Variants in BNC2 observed in about 807,000 individuals in gnomAD.
BNC2 encodes the protein basonuclin zinc finger protein 2, also known as zinc finger protein basonuclin-2.
BNC2 carries 20 observed loss-of-function variants against 76.3 expected under a neutral mutation model. That is an observed-to-expected ratio of 0.26 (90% CI 0.18 to 0.38). The LOEUF (loss-of-function observed/expected upper bound fraction) is 0.38. BNC2 is among the 10% of genes least tolerant of loss of function. The probability of loss-of-function intolerance (pLI) is 1.00; values close to 1 mark genes in which losing one functional copy is unlikely to be tolerated. For missense variants in BNC2, 1,382 were observed against 1,399.8 expected (o/e 0.99, Z 0.20); for synonymous variants, 582 against 514.8 (o/e 1.13, Z -1.77).
At chr9:16,821,063 T>A (rs1044800438) in intron 1 of BNC2, among the ~76,000 whole-genome samples, 3 of 151,830 alleles carry the variant, frequency 2.0e-5, no homozygotes, top group Non-Finnish European at 2.9e-5. Flanking sequence ...TGAAACCCCA[T>A]CTCTACTAAA....
chr9:16,573,813 G>A (rs1363477989), intron 4 of BNC2, among the ~76,000 whole-genome samples: 3 of 152,042 alleles, frequency 2.0e-5, no homozygotes, highest in East Asian at 1.9e-4. Context: ...GGGTATATGC[G>A]AACTAATAAC....
At chr9:16,764,071 A>C (rs957032342) in intron 1 of BNC2, among the ~76,000 whole-genome samples, 4 of 152,082 alleles carry the variant, frequency 2.6e-5, no homozygotes, top group Non-Finnish European at 5.9e-5. Context: ...TTCCTAATAA[A>C]AGTTAACATT....
intron 3 of BNC2, among the ~76,000 whole-genome samples, chr9:16,641,974 C>T (rs956809829): frequency 3.3e-5 from 5 of 152,164 alleles, no homozygotes; most frequent in African/African-American, 7.2e-5. Context: ...TATCTACTAA[C>T]GTACTGGTTA....
intron 1 of BNC2, among the ~76,000 whole-genome samples, chr9:16,785,218 G>A (rs1046641183): frequency 2.6e-5 from 4 of 152,190 alleles, no homozygotes; most frequent in African/African-American, 4.8e-5. Context: ...AGACAAGACT[G>A]CCCAAGCCTT....
In BNC2 at chr9:16,436,243, C is replaced by G; in HGVS notation, c.1951G>C (p.Asp651His). 1.9e-6 allele frequency: 3 copies of G among 1,614,146 alleles called. No homozygotes were observed. Among genetic ancestry groups the G allele is most frequent in the Non-Finnish European group, 2.5e-6 (3 of 1,180,040 alleles). Residue 651 changes from aspartate (D) to histidine (H), a missense_variant, in exon 6 of 7, where the codon GAT becomes CAT. By Grantham distance (81) the Asp-to-His change is moderately conservative. Coordinates refer to ENST00000380672, the MANE Select transcript of BNC2 (RefSeq NM_017637.6). ...KIEKEIIDTA[D>H]EFDDEDDDPN... is the part of the protein sequence containing the mutation. ...TCATCATCTTCATCATCAAACTCAT[C>G]GGCGGTATCAATAATTTCCTTCTCA...
chr9:16,536,506 CTTTTGT>C, intron 5 of BNC2, among the ~76,000 whole-genome samples: 1 of 152,136 alleles, frequency 6.6e-6, no homozygotes, highest in East Asian at 1.9e-4. Context: ...AAAACACAGC[CTTTTGT>C]TTTTATTTTT....
In BNC2 at chr9:16,834,738, A is replaced by G. The variant is rs140435713; in HGVS notation, c.3+35908T>C. 1.8e-3 allele frequency among the ~76,000 whole-genome samples: 275 copies of G among 152,320 alleles called. 1 individual carries two copies. The highest frequency in any genetic ancestry group is 2.6e-3 in the Non-Finnish European group (176 of 68,024). On this transcript the variant is annotated intron_variant, in intron 1 of 6. Transcript: ENST00000380672. ...CTTTTTTCTCTATCACTGAATCCCC[A>G]GAGTCTAGTATAATGTCTGTCCTAT...
chr9:16,447,505 G>C (rs949144823), intron 5 of BNC2, among the ~76,000 whole-genome samples: 3 of 152,038 alleles, frequency 2.0e-5, no homozygotes, highest in African/African-American at 7.2e-5. Flanking sequence ...TTTAGAATAT[G>C]TGTATTTATG....
At position 16,552,624 on chromosome 9, in the gene BNC2, C is replaced by T. The variant is rs1400069723; in HGVS notation, c.575G>A (p.Arg192His). ...VPVRLKILLD[R>H]LFSVLKQEEV... ...CTCTTGCTTCAGGACGCTGAAGAGA[C>T]GGTCCAGCAGGATCTTTAGCCGCAC... The change falls in exon 5 of 7, where the codon CGT becomes CAT. Residue 192 changes from arginine to histidine, a missense_variant. Around this residue, in one of 3 missense-constraint regions of BNC2, gnomAD observed 557 missense variants for 540.9 expected, o/e 1.03. Coordinates refer to ENST00000380672, the MANE Select transcript of BNC2 (RefSeq NM_017637.6). 1.9e-6 allele frequency: 3 copies of T among 1,614,102 alleles called. No individual in the cohort carries two copies. The highest frequency in any genetic ancestry group is 1.7e-6 in the Non-Finnish European group (2 of 1,180,050).
intron 3 of BNC2, among the ~76,000 whole-genome samples, chr9:16,634,779 G>T (rs1272631445): frequency 6.6e-6 from 1 of 152,272 alleles, no homozygotes; most frequent in East Asian, 1.9e-4. Context: ...GGGATTACAG[G>T]CGTGAACAAC....
chr9:16,655,169 G>GA (rs1340213270), intron 3 of BNC2, among the ~76,000 whole-genome samples: 1 of 151,538 alleles, frequency 6.6e-6, no homozygotes, highest in East Asian at 1.9e-4. Flanking sequence ...AGTAAAGGAG[G>GA]AAAAAACTGG....
At chr9:16,715,208 A>T (rs1436541764) in intron 3 of BNC2, among the ~76,000 whole-genome samples, 2 of 152,332 alleles carry the variant, frequency 1.3e-5, no homozygotes, top group African/African-American at 2.4e-5. Context: ...ATCTTTTATT[A>T]TTTTAAAATC....
chr9:16,780,250 A>AAAAAC (rs1826108477), intron 1 of BNC2, among the ~76,000 whole-genome samples: 2 of 124,490 alleles, frequency 1.6e-5, no homozygotes, highest in East Asian at 5.3e-4. Context: ...AAAAAAAAAA[A>AAAAAC]AAAAAACAAA....
chr9:16,776,031 T>C (rs1045767808), intron 1 of BNC2, among the ~76,000 whole-genome samples: 1 of 152,132 alleles, frequency 6.6e-6, no homozygotes, highest in African/African-American at 2.4e-5. Context: ...CCCGACCAGG[T>C]CAGGCACTTC....
chr9:16,813,431 A>G lies in BNC2; in HGVS notation c.3+57215T>C, dbSNP rs997191108. On this transcript the variant is annotated intron_variant, in intron 1 of 6. Transcript: ENST00000380672. The stretch of plus-strand genomic sequence containing the variant: ...CAGGCGCCCGCCACTACGCCCGGCT[A>G]ATTTTTTGTATTTTTAGTAGAGACG... 5.3e-5 allele frequency among the ~76,000 whole-genome samples: 8 copies of G among 151,810 alleles called. No homozygotes were observed. The South Asian group carries it at 1.7e-3, about 32-fold the overall frequency.
intron 5 of BNC2, among the ~76,000 whole-genome samples, chr9:16,513,715 T>A (rs568627588): frequency 1.3e-5 from 2 of 152,098 alleles, no homozygotes; most frequent in Non-Finnish European, 2.9e-5. Context: ...TCATTCAGAG[T>A]TGTACATGAG....
chr9:16,667,556 A>G (rs954519563), intron 3 of BNC2, among the ~76,000 whole-genome samples: 1 of 152,242 alleles, frequency 6.6e-6, no homozygotes. Flanking sequence ...GGATTATCTG[A>G]GCAAATAATA....
rs75614069 is a variant in BNC2, at chr9:16,855,098, C to T, written c.3+15548G>A. On this transcript the variant is annotated intron_variant, in intron 1 of 6. Coordinates refer to ENST00000380672, the MANE Select transcript of BNC2 (RefSeq NM_017637.6). ...CAATATGAGTACATGAGTATTCCAC[C>T]TCATATGGTATACAGATACATACAT... 4.2e-4 allele frequency among the ~76,000 whole-genome samples: 64 copies of T among 151,874 alleles called. No homozygotes were observed. The East Asian group carries it at 0.012, about 29-fold the overall frequency.
intron 3 of BNC2, among the ~76,000 whole-genome samples, chr9:16,666,653 C>G (rs926314529): frequency 6.6e-6 from 1 of 152,226 alleles, no homozygotes; most frequent in Non-Finnish European, 1.5e-5. Flanking sequence ...TGGAGCTAAA[C>G]ACTTCAACAC....
Sources: gnomAD v4.1 joint callset for allele counts (sites outside exome capture counted in the v4.1 genomes callset) on GRCh38, gnomAD v4.1.1 for gene constraint, gnomAD v4.1.1 regional missense constraint, MANE v1.5 for transcripts, NCBI Gene and HGNC (gene_info 2026-07-23, HGNC 2026-07-21) for gene names.